Variants in SLC9A9 observed in about 807,000 individuals in gnomAD.
SLC9A9 encodes the protein sodium/hydrogen exchanger 9.
Under a neutral mutation model 77.8 loss-of-function variants are expected in SLC9A9, and 62 were observed. The observed-to-expected ratio is 0.80, with a 90% CI of 0.65 to 0.98. SLC9A9 has a LOEUF of 0.98. SLC9A9 is among the 50% of genes least tolerant of loss of function. The pLI, the probability that SLC9A9 is intolerant of heterozygous loss-of-function variation, is 0.00. For missense variants in SLC9A9, 775 were observed against 774.9 expected, an observed-to-expected ratio of 1.00 and a Z score of 0.00; for synonymous variants, 320 against 283.5, an observed-to-expected ratio of 1.13 and a Z score of -1.29.
intron 11 of SLC9A9, among the ~76,000 whole-genome samples, chr3:143,473,003 T>G (rs1277170630): frequency 1.7e-5 from 2 of 116,636 alleles, no homozygotes. Flanking sequence ...CAACTAGACT[T>G]GTGTTTTTTT....
chr3:143,593,968 C>T (rs1269794191), intron 6 of SLC9A9, among the ~76,000 whole-genome samples: 1 of 152,136 alleles, frequency 6.6e-6, no homozygotes, highest in Non-Finnish European at 1.5e-5. Context: ...CTTGGATTTG[C>T]CTGACAATCC....
At chr3:143,714,662 A>G (rs1934285627) in intron 4 of SLC9A9, among the ~76,000 whole-genome samples, 1 of 152,194 alleles carries the variant, frequency 6.6e-6, no homozygotes, top group South Asian at 2.1e-4. Context: ...TATGCCCTCC[A>G]AGATCCATTC....
intron 9 of SLC9A9, among the ~76,000 whole-genome samples, chr3:143,541,679 G>A (rs952016511): frequency 1.3e-5 from 2 of 152,166 alleles, no homozygotes; most frequent in African/African-American, 4.8e-5. Flanking sequence ...ACTGGTCCAA[G>A]CCCTTGAAGT....
rs1476467726 is a variant in SLC9A9 at position 143,265,635 on chromosome 3, T to C, written c.*1067A>G. On this transcript the variant is annotated 3_prime_UTR_variant, in exon 16 of 16. Coordinates refer to ENST00000316549, the MANE Select transcript of SLC9A9 (RefSeq NM_173653.4). ...GCTTAAAAGGCACAGGTCATGCAGCTGAATTAAAAGCTATCATGTTGGTCT... is the reference window on the plus strand; with the variant it reads ...GCTTAAAAGGCACAGGTCATGCAGCCGAATTAAAAGCTATCATGTTGGTCT... 2 of 376,044 alleles carry C rather than the reference T, an allele frequency of 5.3e-6. No homozygotes were observed. The highest frequency in any genetic ancestry group is 9.4e-6 in the Non-Finnish European group (2 of 212,538). 23.3% of individuals were successfully genotyped at this position (376,044 alleles called of 1,614,324 possible).
intron 6 of SLC9A9, among the ~76,000 whole-genome samples, chr3:143,615,597 T>A (rs2038090073): frequency 6.6e-6 from 1 of 151,872 alleles, no homozygotes; most frequent in African/African-American, 2.4e-5. Context: ...GCAACCTGGT[T>A]AACTAGAACC....
At chr3:143,591,411 A>T (rs934199392) in intron 6 of SLC9A9, among the ~76,000 whole-genome samples, 1 of 152,254 alleles carries the variant, frequency 6.6e-6, no homozygotes. Context: ...AGCAAATCTT[A>T]TCAAAGGAAG....
intron 4 of SLC9A9, among the ~76,000 whole-genome samples, chr3:143,716,096 A>G (rs375604691): frequency 9.7e-4 from 147 of 152,298 alleles, no homozygotes; most frequent in Non-Finnish European, 1.5e-3. Flanking sequence ...TTTTTTTGAG[A>G]CAGAATCTTA....
intron 1 of SLC9A9, among the ~76,000 whole-genome samples, chr3:143,841,576 T>C (rs2009707291): frequency 6.6e-6 from 1 of 152,198 alleles, no homozygotes; most frequent in Non-Finnish European, 1.5e-5. Context: ...TCTACATAAA[T>C]AATTTGAATC....
intron 12 of SLC9A9, among the ~76,000 whole-genome samples, chr3:143,450,243 A>G (rs2034980632): frequency 1.4e-5 from 2 of 141,894 alleles, no homozygotes; most frequent in African/African-American, 5.1e-5. Flanking sequence ...ATTACATATA[A>G]TTTATATATT....
intron 14 of SLC9A9, among the ~76,000 whole-genome samples, chr3:143,299,304 A>G (rs573838614): frequency 6.6e-6 from 1 of 152,262 alleles, no homozygotes; most frequent in South Asian, 2.1e-4. Context: ...AGAAACCTTT[A>G]TTTGCAGAGC....
intron 11 of SLC9A9, among the ~76,000 whole-genome samples, chr3:143,482,946 A>T (rs1161836060): frequency 6.6e-6 from 1 of 152,202 alleles, no homozygotes; most frequent in Non-Finnish European, 1.5e-5. Context: ...GGCGCTTAGC[A>T]TTCCTCTTAA....
At chr3:143,627,597 A>G in intron 6 of SLC9A9, 1 of 319,176 alleles carries the variant, frequency 3.1e-6, no homozygotes, top group Non-Finnish European at 6.1e-6. Context: ...ACCTCTCACT[A>G]ACAAAATGAA....
At chr3:143,697,608 C>T (rs867914471) in intron 4 of SLC9A9, among the ~76,000 whole-genome samples, 14 of 152,028 alleles carry the variant, frequency 9.2e-5, no homozygotes, top group African/African-American at 3.4e-4. Context: ...TGAATCCAGG[C>T]AGCTGGACAC....
chr3:143,446,819 G>T (rs1462355490), intron 12 of SLC9A9, among the ~76,000 whole-genome samples: 1 of 152,120 alleles, frequency 6.6e-6, no homozygotes, highest in African/African-American at 2.4e-5. Flanking sequence ...AGGTGGTGTG[G>T]CACATTTGGG....
intron 11 of SLC9A9, among the ~76,000 whole-genome samples, chr3:143,491,403 G>A (rs2035742634): frequency 6.6e-6 from 1 of 152,114 alleles, no homozygotes; most frequent in Admixed American, 6.5e-5. Flanking sequence ...CTCTGCCACT[G>A]TAGTGCAAAA....
At chr3:143,473,298 A>C (rs2035410738) in intron 11 of SLC9A9, among the ~76,000 whole-genome samples, 1 of 152,124 alleles carries the variant, frequency 6.6e-6, no homozygotes, top group Non-Finnish European at 1.5e-5. Context: ...TAGCTTTATG[A>C]GGTCACGATT....
intron 12 of SLC9A9, among the ~76,000 whole-genome samples, chr3:143,460,777 A>G (rs1249455612): frequency 3.9e-5 from 6 of 152,226 alleles, no homozygotes; most frequent in African/African-American, 2.4e-5. Context: ...CTAATTCATA[A>G]CAATTGTTAT....
rs1233700034 is a variant in SLC9A9, at chr3:143,266,453, C to T, written c.*249G>A. 5 of 565,460 alleles carry T rather than the reference C, an allele frequency of 8.8e-6. No individual in the cohort carries two copies. The highest frequency in any genetic ancestry group is 2.0e-5 in the South Asian group (1 of 49,426). The allele number at this position is 565,460 out of a possible 1,614,324, so 35.0% of individuals were successfully genotyped here. On this transcript the variant is annotated 3_prime_UTR_variant, in exon 16 of 16. Coordinates refer to ENST00000316549, the MANE Select transcript of SLC9A9 (RefSeq NM_173653.4). ...AGCTAGACTCCTGATACCTCCATCC[C>T]CACCCCAGCCAATCCAGTAATCAGA...
In SLC9A9 at chr3:143,647,738, C is replaced by T. The variant is rs148045021; in HGVS notation, c.755+4517G>A. ...ATGCAGAATTTTAGTTAGCTTCTTC[C>T]TTCCTTTTTTTCTTCTTTTTTCTGC... On this transcript the variant is annotated intron_variant, in intron 6 of 15. Coordinates refer to ENST00000316549, the MANE Select transcript of SLC9A9 (RefSeq NM_173653.4). Among the ~76,000 whole-genome samples the T allele has an allele frequency of 5.3e-5, 8 of 152,274 alleles. No individual in the cohort carries two copies. In the East Asian group the frequency reaches 1.3e-3, roughly 26 times the overall value.
Sources: allele counts gnomAD v4.1 joint callset (sites outside exome capture counted in the v4.1 genomes callset), GRCh38; gene constraint gnomAD v4.1.1; transcripts MANE v1.5; gene names NCBI Gene and HGNC (gene_info 2026-07-23, HGNC 2026-07-21).